The following GNA13 variants were observed in gnomAD, a reference collection of about 807,000 sequenced individuals.
The protein encoded by GNA13 is guanine nucleotide-binding protein subunit alpha-13.
GNA13 carries 4 observed loss-of-function variants against 33.5 expected under a neutral mutation model. The ratio of observed to expected loss-of-function variants is 0.12; its 90% confidence interval spans 0.06 to 0.27. The LOEUF is 0.27. GNA13 is among the 10% of genes least tolerant of loss of function. GNA13 has a pLI of 1.00. For synonymous variants in GNA13, 176 were observed against 183.8 expected, an observed-to-expected ratio of 0.96 and a Z score of 0.34; for missense variants, 319 against 487.2, an observed-to-expected ratio of 0.65 and a Z score of 3.25.
intron 2 of GNA13, among the ~76,000 whole-genome samples, chr17:65,033,264 C>T (rs1308280356): frequency 6.6e-6 from 1 of 151,590 alleles, no homozygotes; most frequent in Admixed American, 6.6e-5. Flanking sequence ...GTGGGAGGAT[C>T]GTTTGAGCCC....
chr17:65,017,985 G>T (rs544248797), intron 3 of GNA13, among the ~76,000 whole-genome samples: 2 of 150,946 alleles, frequency 1.3e-5, no homozygotes, highest in Non-Finnish European at 2.9e-5. Context: ...AAGAAGTGTC[G>T]TGATTAAACA....
rs187775020 is a variant in GNA13 at position 65,053,478 on chromosome 17, G to A, written c.510+24C>T. ...AAACATCATTAAAATAAAACCACAC[G>A]TTTTAAAAGAGCAAATCTCTTACCA... On this transcript the variant is annotated intron_variant, in intron 2 of 3. Coordinates refer to ENST00000439174, the MANE Select transcript of GNA13 (RefSeq NM_006572.6). 2.1e-5 allele frequency: 29 copies of A among 1,412,880 alleles called. 2 individuals are homozygous for A. The African/African-American group carries it at 2.1e-4, about 10-fold the overall frequency. 87.5% of individuals were successfully genotyped at this position (1,412,880 alleles called of 1,614,324 possible). A position where few individuals can be genotyped will look rare whatever the true frequency, so the allele number is the denominator to read the frequency against.
intron 2 of GNA13, among the ~76,000 whole-genome samples, chr17:65,038,629 G>T (rs1332394621): frequency 1.3e-5 from 2 of 152,084 alleles, no homozygotes; most frequent in African/African-American, 4.8e-5. Flanking sequence ...TTCTCACCAT[G>T]TTGGCGAGGC....
intron 3 of GNA13, among the ~76,000 whole-genome samples, chr17:65,015,929 T>G (rs973826427): frequency 6.6e-6 from 1 of 152,206 alleles, no homozygotes; most frequent in Non-Finnish European, 1.5e-5. Flanking sequence ...TGTCAGCACC[T>G]CTGTCTGTGA....
intron 2 of GNA13, among the ~76,000 whole-genome samples, chr17:65,050,012 T>C (rs548666494): frequency 6.6e-6 from 1 of 152,222 alleles, no homozygotes; most frequent in African/African-American, 2.4e-5. Flanking sequence ...GATTACAGAG[T>C]ATGTCCAGTG....
At chr17:65,031,137 A>T (rs558477705) in intron 2 of GNA13, among the ~76,000 whole-genome samples, 1 of 152,330 alleles carries the variant, frequency 6.6e-6, no homozygotes, top group Non-Finnish European at 1.5e-5. Context: ...AGCCTACTAC[A>T]TACCTCGGCT....
intron 3 of GNA13, 115 bp downstream of exon 3, chr17:65,018,138 A>AAAAAAAAAG (rs1555600538): frequency 1.4e-5 from 1 of 69,632 alleles, no homozygotes; most frequent in African/African-American, 6.2e-5. Context: ...AAAAAAAAAA[A>AAAAAAAAAG]AGAGAGAAAG....
At chr17:65,035,902 T>G (rs899524469) in intron 2 of GNA13, among the ~76,000 whole-genome samples, 1 of 152,086 alleles carries the variant, frequency 6.6e-6, no homozygotes, top group African/African-American at 2.4e-5. Flanking sequence ...CTCCACTATC[T>G]AAAGAGAGGC....
rs1395545368 is a variant in GNA13 at position 65,010,188 on chromosome 17, AAGT to A, written c.*4066_*4068del. On this transcript the variant is annotated 3_prime_UTR_variant, in exon 4 of 4. Transcript: ENST00000439174. ...TAACTTAAATGCTAACTACACGTTC[AAGT>A]ACAGACATAAGAATGCTAGTGGTAC... Among the ~76,000 whole-genome samples the A allele has an allele frequency of 6.6e-6, 1 of 152,246 alleles. No homozygotes were observed. Among genetic ancestry groups the A allele is most frequent in the Non-Finnish European group, 1.5e-5 (1 of 68,040 alleles).
At chr17:65,056,233 G>A in intron 1 of GNA13, 78 bp downstream of exon 1, 2 of 964,938 alleles carry the variant, frequency 2.1e-6, no homozygotes, top group East Asian at 3.2e-5. Context: ...AGCGGACCAG[G>A]GCGGTGCCCC....
Position 65,014,130 on chromosome 17 carries a change from T to A in GNA13, c.*127A>T, listed in dbSNP as rs1281207695. The A allele has an allele frequency of 3.3e-5, 21 of 637,434 alleles. No individual in the cohort carries two copies. Among genetic ancestry groups the A allele is most frequent in the Non-Finnish European group, 5.2e-5 (19 of 368,374 alleles). 39.5% of individuals were successfully genotyped at this position (637,434 alleles called of 1,614,324 possible). A position where few individuals can be genotyped will look rare whatever the true frequency, so the allele number is the denominator to read the frequency against. ...AAGGCCGCAGAAAAAGTACTAAGAT[T>A]TTCAAGAAGTTAAACGTAGAATTAA... On this transcript the variant is annotated 3_prime_UTR_variant, in exon 4 of 4. Transcript: ENST00000439174. This position sits in a 1 kb window ranked among gnomAD's most constrained non-coding sequence, Gnocchi z 5.3.
chr17:65,056,255 G>GCCCCCCCCCCCCCC, intron 1 of GNA13, 56 bp downstream of exon 1: 1 of 508,068 alleles, frequency 2.0e-6, no homozygotes, highest in African/African-American at 2.1e-5. Flanking sequence ...CCCCGCACCC[G>GCCCCCCCCCCCCCC]CCGCCGCCCC....
chr17:65,031,403 CTG>C (rs900553366), intron 2 of GNA13, among the ~76,000 whole-genome samples: 2 of 152,188 alleles, frequency 1.3e-5, no homozygotes, highest in African/African-American at 4.8e-5. Flanking sequence ...CTGTAAATGT[CTG>C]TGTTCTAAAA....
intron 3 of GNA13, among the ~76,000 whole-genome samples, 161 bp downstream of exon 3, chr17:65,018,091 CT>C (rs2143772085): frequency 2.2e-5 from 1 of 45,624 alleles, no homozygotes; most frequent in African/African-American, 1.3e-4. Flanking sequence ...AACGCCACCA[CT>C]AAAAAAAAAA....
At chr17:65,025,526 C>A (rs892734983) in intron 2 of GNA13, among the ~76,000 whole-genome samples, 2 of 152,072 alleles carry the variant, frequency 1.3e-5, no homozygotes, top group Admixed American at 1.3e-4. Context: ...TGCTGAGAAG[C>A]GCGGATGGGA....
intron 2 of GNA13, among the ~76,000 whole-genome samples, chr17:65,031,352 A>G (rs1276707741): frequency 6.6e-6 from 1 of 152,242 alleles, no homozygotes; most frequent in East Asian, 1.9e-4. Flanking sequence ...GCCATTTTAT[A>G]TGCAGTCAGT....
In GNA13 at chr17:65,009,886, T is replaced by A. The variant is rs1217823339; in HGVS notation, c.*4371A>T. Reference sequence around the variant, plus strand: ...TCTCACTTACTATGGCAAAAAATATTATATACAAGCTTTCTTAACACAAAC... The same window carrying A: ...TCTCACTTACTATGGCAAAAAATATAATATACAAGCTTTCTTAACACAAAC... On this transcript the variant is annotated 3_prime_UTR_variant, in exon 4 of 4. Coordinates refer to ENST00000439174, the MANE Select transcript of GNA13 (RefSeq NM_006572.6). Among the ~76,000 whole-genome samples, 1 of 152,150 alleles carries A rather than the reference T, an allele frequency of 6.6e-6. No homozygotes were observed. Among genetic ancestry groups the A allele is most frequent in the Non-Finnish European group, 1.5e-5 (1 of 68,030 alleles).
At chr17:65,023,497 A>C (rs982682940) in intron 2 of GNA13, among the ~76,000 whole-genome samples, 1 of 152,210 alleles carries the variant, frequency 6.6e-6, no homozygotes, top group Non-Finnish European at 1.5e-5. Context: ...TGAACGCTGA[A>C]TGGTTTCGGA....
chr17:65,046,520 G>GGCCTCAAGCATTCCTCA (rs1294933512), intron 2 of GNA13, among the ~76,000 whole-genome samples: 2 of 152,146 alleles, frequency 1.3e-5, no homozygotes, highest in Admixed American at 6.5e-5. Flanking sequence ...TGGAATTCTT[G>GGCCTCAAGCATTCCTCA]GCCTCAAGCA....
Sources: allele counts gnomAD v4.1 joint callset (sites outside exome capture counted in the v4.1 genomes callset), GRCh38; gene constraint gnomAD v4.1.1; non-coding constraint Gnocchi (gnomAD v3.1); transcripts MANE v1.5; gene names NCBI Gene and HGNC (gene_info 2026-07-23, HGNC 2026-07-21).